Variants in WDR77 observed in about 807,000 individuals in gnomAD.
The protein encoded by WDR77 is methylosome protein WDR77.
A neutral mutation model predicts 44.0 loss-of-function variants in WDR77; 31 were observed. That is an observed-to-expected ratio of 0.70 (90% CI 0.53 to 0.95). The LOEUF (loss-of-function observed/expected upper bound fraction) is 0.95. Among genes scored for constraint, WDR77 ranks in the 40% least tolerant of loss-of-function variants. The pLI is 0.00. For synonymous variants in WDR77, 186 were observed against 165.7 expected (o/e 1.12, Z -0.94); for missense variants, 390 against 423.9 (o/e 0.92, Z 0.70).
At position 111,449,157 on chromosome 1, in the gene WDR77, T is replaced by C. The variant is rs576209444; in HGVS notation, c.13A>G (p.Thr5Ala). 1 of 1,582,098 alleles carries C rather than the reference T, an allele frequency of 6.3e-7. No individual in the cohort carries two copies. Residue 5 changes from threonine (T) to alanine (A), a missense_variant, in exon 1 of 10, where the codon ACC becomes GCC. Coordinates refer to ENST00000235090, the MANE Select transcript of WDR77 (RefSeq NM_024102.4). ...GCCGGGGGCACTAGGGGGGGTGGGGTTTCCTTCCGCATCTCCACGGTTCCA... is the reference window on the plus strand; with the variant it reads ...GCCGGGGGCACTAGGGGGGGTGGGGCTTCCTTCCGCATCTCCACGGTTCCA... The part of the protein sequence containing the change: MRKE[T>A]PPPLVPPAAR...
chr1:111,442,607 G>T (rs1264902), intron 8 of WDR77, 46 bp downstream of exon 8: 583,204 of 1,328,732 alleles, frequency 0.44, 135,055 homozygotes, highest in East Asian at 0.76. Context: ...ACACCCTCAC[G>T]GTTCCCATTT....
chr1:111,443,698 T>G, intron 6 of WDR77, 169 bp downstream of exon 6: 1 of 985,428 alleles, frequency 1.0e-6, no homozygotes, highest in Non-Finnish European at 1.2e-6. Context: ...TGGTATTCAT[T>G]GCACAGAATG....
rs754249282 is a variant in WDR77, at chr1:111,442,656, T to G, written c.797A>C (p.His266Pro). 6.4e-7 allele frequency: 1 copy of G among 1,574,036 alleles called. No homozygotes were observed. Among genetic ancestry groups the G allele is most frequent in the South Asian group, 1.2e-5 (1 of 84,896 alleles). Residue 266 changes from histidine to proline, a missense_variant, in exon 8 of 10, where the codon CAC (histidine) becomes CCC (proline). By Grantham distance (77) the His-to-Pro change is moderately conservative. Coordinates refer to ENST00000235090, the MANE Select transcript of WDR77 (RefSeq NM_024102.4). ...QCVTGLVFSP[H>P]SVPFLASLSE... The stretch of plus-strand genomic sequence containing the variant: ...CCCTGATGACAAAGAACAGTACCTG[T>G]GTGGGGAGAACACCAGCCCAGTGAC...
At position 111,441,030 on chromosome 1, in the gene WDR77, T is replaced by C. The variant is rs1652787945; in HGVS notation, c.*200A>G. 6.7e-6 allele frequency: 3 copies of C among 448,332 alleles called. No homozygotes were observed. The highest frequency in any genetic ancestry group is 1.1e-5 in the Non-Finnish European group (3 of 275,478). 27.8% of individuals were successfully genotyped at this position (448,332 alleles called of 1,614,324 possible). ...ACACTCACACGCACATACATGTCCA[T>C]TTTTAAGAAAGCTTTTCCTCCCTGT... is the stretch of plus-strand genomic sequence containing the variant. On this transcript the variant is annotated 3_prime_UTR_variant, in exon 10 of 10. Coordinates refer to ENST00000235090, the MANE Select transcript of WDR77 (RefSeq NM_024102.4).
At chr1:111,442,225 G>A (rs1652845818) in intron 8 of WDR77, 132 bp from the exon 9 acceptor site, 1 of 781,222 alleles carries the variant, frequency 1.3e-6, no homozygotes, top group Admixed American at 2.4e-5. Flanking sequence ...GGCTAATCTG[G>A]CTACTACAAG....
In WDR77 at chr1:111,447,492, G is replaced by A. The variant is rs1202857780; in HGVS notation, c.386C>T (p.Ser129Phe). 4 of 1,614,070 alleles carry A rather than the reference G, an allele frequency of 2.5e-6. No individual in the cohort carries two copies. The highest frequency in any genetic ancestry group is 1.3e-5 in the African/African-American group (1 of 74,932). The change falls in exon 3 of 10, where the codon TCT becomes TTT. Residue 129 changes from serine (S) to phenylalanine (F), a missense_variant. Coordinates refer to ENST00000235090, the MANE Select transcript of WDR77 (RefSeq NM_024102.4). The stretch of plus-strand genomic sequence containing the variant: ...GCCAGAGCTCAAGACACTGACTGTA[G>A]ACACAATGTCATCATGCTCATACTT... The part of the protein sequence containing the change: ...FCKYEHDDIV[S>F]TVSVLSSGTQ...
In WDR77 at chr1:111,443,877, T is replaced by C. The variant is rs1048805551; in HGVS notation, c.609A>G (p.Ala203=). The part of the protein sequence containing the change: ...LLWDTRCPKP[A]SQIGCSAPGY... ...GAATCTCAGACTCACCAATCTGTGA[T>C]GCTGGCTTGGGACAGCGGGTATCCC... Residue 203 remains alanine (A), a synonymous_variant, in exon 6 of 10, where the codon GCA becomes GCG. Transcript: ENST00000235090. 14 of 1,614,056 alleles carry C rather than the reference T, an allele frequency of 8.7e-6. No homozygotes were observed. The highest frequency in any genetic ancestry group is 2.7e-5 in the African/African-American group (2 of 74,950).
chr1:111,449,159 T>C lies in WDR77; in HGVS notation c.11A>G (p.Glu4Gly). ...CGGGGGCACTAGGGGGGGTGGGGTTTCCTTCCGCATCTCCACGGTTCCAAC... is the reference window on the plus strand; with the variant it reads ...CGGGGGCACTAGGGGGGGTGGGGTTCCCTTCCGCATCTCCACGGTTCCAAC... MRK[E>G]TPPPLVPPAA... Residue 4 changes from glutamate (E) to glycine (G), a missense_variant, in exon 1 of 10, where the codon GAA becomes GGA. Physicochemically the swap from Glu to Gly is moderately conservative, Grantham distance 98 (BLOSUM62 -2). Coordinates refer to ENST00000235090, the MANE Select transcript of WDR77 (RefSeq NM_024102.4). The C allele has an allele frequency of 6.3e-6, 10 of 1,582,414 alleles. No homozygotes were observed. Among genetic ancestry groups the C allele is most frequent in the Non-Finnish European group, 7.7e-6 (9 of 1,170,568 alleles).
chr1:111,442,756 C>T lies in WDR77; in HGVS notation c.697G>A (p.Glu233Lys). 1 of 1,577,338 alleles carries T rather than the reference C, an allele frequency of 6.3e-7. No individual in the cohort carries two copies. The highest frequency in any genetic ancestry group is 8.7e-7 in the Non-Finnish European group (1 of 1,156,040). ...TCCACAAGGGAGACTGTCCCATTCT[C>T]ATCACCTGTAGAAGAGAAGGAACAT... is the stretch of plus-strand genomic sequence containing the variant. ...QQSEVFVFGD[E>K]NGTVSLVDTK... The change falls in exon 8 of 10, where the codon GAG becomes AAG. Residue 233 changes from glutamate (E) to lysine (K), a missense_variant. Glu to Lys is a moderately conservative substitution (Grantham distance 56). Transcript: ENST00000235090.
intron 7 of WDR77, 148 bp downstream of exon 7, chr1:111,443,175 C>T: frequency 1.4e-6 from 1 of 705,270 alleles, no homozygotes; most frequent in Non-Finnish European, 2.3e-6. Flanking sequence ...TGGCATCACC[C>T]CACCTCCCCA....
intron 2 of WDR77, among the ~76,000 whole-genome samples, chr1:111,448,292 A>T (rs1055323030): frequency 1.3e-5 from 2 of 152,206 alleles, no homozygotes; most frequent in Non-Finnish European, 2.9e-5. Context: ...CATGTAGCAC[A>T]GATTGGCTTC....
intron 4 of WDR77, among the ~76,000 whole-genome samples, chr1:111,444,369 CT>C (rs1652937610): frequency 1.3e-5 from 2 of 151,748 alleles, no homozygotes; most frequent in African/African-American, 4.8e-5. Context: ...AAATTAGGGG[CT>C]TAGTAAGAAT....
chr1:111,445,315 T>C (rs1652978251), intron 4 of WDR77, among the ~76,000 whole-genome samples: 1 of 152,234 alleles, frequency 6.6e-6, no homozygotes, highest in Non-Finnish European at 1.5e-5. Flanking sequence ...ATTAAACCAG[T>C]TTCCATAGTT....
Position 111,442,100 on chromosome 1 carries a change from G to A in WDR77, c.801-7C>T. The A allele has an allele frequency of 1.2e-6, 2 of 1,613,786 alleles. No homozygotes were observed. The highest frequency in any genetic ancestry group is 1.7e-6 in the Non-Finnish European group (2 of 1,179,704). On this transcript the variant is annotated splice_region_variant and splice_polypyrimidine_tract_variant and intron_variant, in intron 8 of 9. Coordinates refer to ENST00000235090, the MANE Select transcript of WDR77 (RefSeq NM_024102.4). ...AGAGGCCAGGAAGGGAACACTATCA[G>A]ATGGAGGAGAGGGTTGTGAAAGGTC...
At position 111,440,349 on chromosome 1, in the gene WDR77, A is replaced by C. The variant is rs1652755410; in HGVS notation, c.*881T>G. 1 of 152,222 alleles carries C rather than the reference A, an allele frequency of 6.6e-6. No individual in the cohort carries two copies. The highest frequency in any genetic ancestry group is 6.5e-5 in the Admixed American group (1 of 15,280). The allele number at this position is 152,222 out of a possible 1,614,324, so 9.4% of individuals were successfully genotyped here. ...TTGATACTGGATTTTAAAACCTTAGAAGTCTATAAATACTGCATTCAGACT... is the reference window on the plus strand; with the variant it reads ...TTGATACTGGATTTTAAAACCTTAGCAGTCTATAAATACTGCATTCAGACT... On this transcript the variant is annotated 3_prime_UTR_variant, in exon 10 of 10. Transcript: ENST00000235090.
chr1:111,446,354 A>C (rs1653031507), intron 4 of WDR77, among the ~76,000 whole-genome samples: 1 of 152,234 alleles, frequency 6.6e-6, no homozygotes, highest in Admixed American at 6.5e-5. Context: ...GTGAGCAGAA[A>C]GAGGGGCATT....
At chr1:111,444,556 T>C (rs1652947262) in intron 4 of WDR77, among the ~76,000 whole-genome samples, 1 of 152,164 alleles carries the variant, frequency 6.6e-6, no homozygotes, top group Admixed American at 6.5e-5. Flanking sequence ...TTCTTAAAAT[T>C]GAACTGCCTC....
intron 2 of WDR77, 24 bp downstream of exon 2, chr1:111,448,595 G>T (rs1427452887): frequency 6.2e-7 from 1 of 1,613,946 alleles, no homozygotes; most frequent in South Asian, 1.1e-5. Context: ...GGGGGTGGGG[G>T]TGGATAATGG....
In WDR77 at chr1:111,442,759, C is replaced by T. The variant is rs1251492151; in HGVS notation, c.694G>A (p.Asp232Asn). Residue 232 changes from aspartate to asparagine, a missense_variant and splice_region_variant, in exon 8 of 10, where the codon GAT becomes AAT. Asp to Asn is a conservative substitution (Grantham distance 23, BLOSUM62 1). Coordinates refer to ENST00000235090, the MANE Select transcript of WDR77 (RefSeq NM_024102.4). Reference protein sequence around the residue: ...PQQSEVFVFGDENGTVSLVDT... With the variant: ...PQQSEVFVFGNENGTVSLVDT... ...ACAAGGGAGACTGTCCCATTCTCAT[C>T]ACCTGTAGAAGAGAAGGAACATGTC... 6.3e-7 allele frequency: 1 copy of T among 1,575,328 alleles called. No individual in the cohort carries two copies. Among genetic ancestry groups the T allele is most frequent in the African/African-American group, 1.3e-5 (1 of 74,146 alleles).
Sources: allele counts gnomAD v4.1 joint callset (sites outside exome capture counted in the v4.1 genomes callset), GRCh38; gene constraint gnomAD v4.1.1; transcripts MANE v1.5; gene names NCBI Gene and HGNC (gene_info 2026-07-23, HGNC 2026-07-21).